ZNRF2: variants seen among roughly 807,000 people sequenced by gnomAD.
The protein encoded by ZNRF2 is E3 ubiquitin-protein ligase ZNRF2.
A neutral mutation model predicts 20.4 loss-of-function variants in ZNRF2; 16 were observed. That is an observed-to-expected ratio of 0.79 (90% CI 0.53 to 1.19). The LOEUF is 1.19. Ranked by LOEUF, ZNRF2 falls within the 50% of genes most tolerant of loss-of-function variation. The probability of loss-of-function intolerance (pLI) is 0.00; values close to 1 mark genes in which losing one functional copy is unlikely to be tolerated. For synonymous variants in ZNRF2, 178 were observed against 144.9 expected, an observed-to-expected ratio of 1.23 and a Z score of -1.64; for missense variants, 363 against 332.4, an observed-to-expected ratio of 1.09 and a Z score of -0.72.
chr7:30,314,805 G>A (rs201925033), intron 1 of ZNRF2, among the ~76,000 whole-genome samples: 1 of 138,272 alleles, frequency 7.2e-6, no homozygotes, highest in East Asian at 2.2e-4. Context: ...ATATATATAT[G>A]TATATATGTA....
Position 30,320,273 on chromosome 7 carries a change from C to T in ZNRF2, c.470-3369C>T, listed in dbSNP as rs780419225. Among the ~76,000 whole-genome samples, 12 of 151,684 alleles carry T rather than the reference C, an allele frequency of 7.9e-5. 1 individual carries two copies. The highest frequency in any genetic ancestry group is 2.6e-4 in the Admixed American group (4 of 15,220). The stretch of plus-strand genomic sequence containing the variant: ...AAATTTCTCTATATAAATAATTTAT[C>T]GATACATACATTTATAAATAAATCT... On this transcript the variant is annotated intron_variant, in intron 1 of 4. Transcript: ENST00000323037.
chr7:30,308,178 A>G (rs370111758), intron 1 of ZNRF2, among the ~76,000 whole-genome samples: 1 of 152,140 alleles, frequency 6.6e-6, no homozygotes, highest in Non-Finnish European at 1.5e-5. Context: ...TATAAATGGA[A>G]TCATACTCTT....
At chr7:30,321,180 G>A (rs920750886) in intron 1 of ZNRF2, among the ~76,000 whole-genome samples, 1 of 152,040 alleles carries the variant, frequency 6.6e-6, no homozygotes, top group African/African-American at 2.4e-5. Flanking sequence ...TGGGGGTATG[G>A]TATTTGCTTG....
chr7:30,342,092 C>A (rs1341490582), intron 2 of ZNRF2, among the ~76,000 whole-genome samples: 1 of 148,972 alleles, frequency 6.7e-6, no homozygotes, highest in African/African-American at 2.5e-5. Context: ...AAATATTCCT[C>A]CATTTCTTTA....
At chr7:30,363,204 GC>G (rs775228256) in intron 4 of ZNRF2, among the ~76,000 whole-genome samples, 51 of 152,332 alleles carry the variant, frequency 3.3e-4, no homozygotes, top group Non-Finnish European at 6.8e-4. Context: ...CTGCACTCCA[GC>G]CTGGGTGACA....
In ZNRF2 at chr7:30,367,263, G is replaced by A. The variant is rs2127959542; in HGVS notation, c.*1251G>A. ...ATTCAGTTTGTGTAGAAAGAAATGT[G>A]TTAAACAAAATTATGTTAATAAATA... On this transcript the variant is annotated 3_prime_UTR_variant, in exon 5 of 5. Coordinates refer to ENST00000323037, the MANE Select transcript of ZNRF2 (RefSeq NM_147128.4). The A allele has an allele frequency of 6.6e-6, 1 of 152,562 alleles. No individual in the cohort carries two copies. The highest frequency in any genetic ancestry group is 2.1e-4 in the South Asian group (1 of 4,826). 9.5% of individuals were successfully genotyped at this position (152,562 alleles called of 1,614,324 possible).
intron 1 of ZNRF2, among the ~76,000 whole-genome samples, chr7:30,321,558 G>A (rs552471736): frequency 3.4e-4 from 51 of 152,176 alleles, no homozygotes; most frequent in Non-Finnish European, 5.7e-4. Flanking sequence ...TTCTTTGTAC[G>A]TACTGTTTTT....
chr7:30,330,856 C>T (rs1006208732), intron 2 of ZNRF2, among the ~76,000 whole-genome samples: 4 of 151,880 alleles, frequency 2.6e-5, no homozygotes, highest in Admixed American at 2.0e-4. Context: ...GTGTGAACTT[C>T]GCCTTCTGTG....
At chr7:30,331,926 T>C (rs796388354) in intron 2 of ZNRF2, among the ~76,000 whole-genome samples, 1 of 152,194 alleles carries the variant, frequency 6.6e-6, no homozygotes, top group African/African-American at 2.4e-5. Context: ...AATGGTCATA[T>C]AAGAAATTTG....
chr7:30,308,568 T>G (rs777869011), intron 1 of ZNRF2, among the ~76,000 whole-genome samples: 57 of 152,170 alleles, frequency 3.7e-4, no homozygotes, highest in Non-Finnish European at 5.9e-4. Context: ...TGAATGACTC[T>G]TAAGGACATT....
chr7:30,355,078 C>T (rs995106352), intron 2 of ZNRF2, among the ~76,000 whole-genome samples: 1 of 152,084 alleles, frequency 6.6e-6, no homozygotes. Context: ...AAATACCCTG[C>T]AGATCCTTTT....
chr7:30,346,935 A>G (rs929143928), intron 2 of ZNRF2, among the ~76,000 whole-genome samples: 1 of 152,136 alleles, frequency 6.6e-6, no homozygotes, highest in African/African-American at 2.4e-5. Context: ...ATTCTAGACT[A>G]CTAATTTGTT....
rs1222782577 is a variant in ZNRF2 at position 30,343,791 on chromosome 7, TTTTG to T, written c.566-11925_566-11922del. 3.3e-5 allele frequency among the ~76,000 whole-genome samples: 5 copies of T among 152,146 alleles called. No individual in the cohort carries two copies. In the East Asian group the frequency reaches 5.8e-4, roughly 18 times the overall value. On this transcript the variant is annotated intron_variant, in intron 2 of 4. Coordinates refer to ENST00000323037, the MANE Select transcript of ZNRF2 (RefSeq NM_147128.4). ...TTTGCAATCCAATCTAATCTTTGTT[TTTTG>T]TTTGTTTGTTTTTGTTGGTTTAGCC...
intron 2 of ZNRF2, among the ~76,000 whole-genome samples, chr7:30,331,704 G>A (rs958906145): frequency 3.9e-5 from 6 of 152,148 alleles, no homozygotes; most frequent in African/African-American, 7.2e-5. Context: ...TTGAAAGAGC[G>A]CAGTGATCTT....
chr7:30,312,975 A>G (rs554454514), intron 1 of ZNRF2, among the ~76,000 whole-genome samples: 2 of 152,334 alleles, frequency 1.3e-5, no homozygotes, highest in East Asian at 3.9e-4. Flanking sequence ...TAATTTATAT[A>G]TCTTATAATA....
chr7:30,362,476 C>A lies in ZNRF2; in HGVS notation c.*22+20C>A. On this transcript the variant is annotated intron_variant, in intron 4 of 4. Transcript: ENST00000323037. Reference sequence around the variant, plus strand: ...TTATAGGTAATTTTTTTTGTAATTACTTTTTAAAGCGTTAGCCCAAATTAT... The same window carrying A: ...TTATAGGTAATTTTTTTTGTAATTAATTTTTAAAGCGTTAGCCCAAATTAT... The A allele has an allele frequency of 6.7e-7, 1 of 1,492,166 alleles. No homozygotes were observed. 92.4% of individuals were successfully genotyped at this position (1,492,166 alleles called of 1,614,324 possible).
intron 2 of ZNRF2, among the ~76,000 whole-genome samples, chr7:30,327,508 T>G (rs972280967): frequency 2.6e-5 from 4 of 152,038 alleles, no homozygotes; most frequent in Admixed American, 2.6e-4. Flanking sequence ...CTAGATCACT[T>G]GTTTGGTGTC....
chr7:30,305,984 G>A (rs1411496140), intron 1 of ZNRF2, among the ~76,000 whole-genome samples: 3 of 152,090 alleles, frequency 2.0e-5, no homozygotes, highest in Admixed American at 6.5e-5. Flanking sequence ...TTGATTTTTG[G>A]ATCTGTAGCT....
intron 2 of ZNRF2, among the ~76,000 whole-genome samples, chr7:30,346,345 C>A (rs750202108): frequency 2.0e-5 from 3 of 151,664 alleles, no homozygotes; most frequent in Non-Finnish European, 4.4e-5. Flanking sequence ...AAGTGCCTGC[C>A]ACCACGCCTG....
Sources: allele counts gnomAD v4.1 joint callset (sites outside exome capture counted in the v4.1 genomes callset), GRCh38; gene constraint gnomAD v4.1.1; transcripts MANE v1.5; gene names NCBI Gene and HGNC (gene_info 2026-07-23, HGNC 2026-07-21).